The following TRIM5 variants were observed in gnomAD, a reference collection of about 807,000 sequenced individuals.
TRIM5 encodes tripartite motif containing 5, also known as tripartite motif-containing protein 5.
TRIM5 carries 31 observed loss-of-function variants against 35.6 expected under a neutral mutation model. The observed-to-expected ratio is 0.87, with a 90% CI of 0.65 to 1.18. The LOEUF (loss-of-function observed/expected upper bound fraction) is 1.18. Among genes scored for constraint, TRIM5 ranks in the 50% most tolerant of loss-of-function variants. The pLI is 0.00. For missense variants in TRIM5, 609 were observed against 591.6 expected (o/e 1.03, Z -0.31); for synonymous variants, 243 against 215.6 (o/e 1.13, Z -1.11).
chr11:5,613,026 T>C, the TRIM5 span: 2 of 152,226 alleles, frequency 1.3e-5, no homozygotes, highest in African/African-American at 4.8e-5. Context: ...ATTGTATTTC[T>C]ATTGGACAAC....
chr11:5,633,535 A>C, the TRIM5 span, among the ~76,000 whole-genome samples: 1 of 152,236 alleles, frequency 6.6e-6, no homozygotes, highest in East Asian at 1.9e-4. Context: ...CATTGATAAG[A>C]GGAAAGGACT....
At chr11:5,683,757 A>G (rs1355456597) in intron 1 of TRIM5, among the ~76,000 whole-genome samples, 2 of 152,190 alleles carry the variant, frequency 1.3e-5, no homozygotes, top group African/African-American at 2.4e-5. Flanking sequence ...AAATGCACCA[A>G]TCAGTGCCCT....
At chr11:5,617,523 T>TA in the TRIM5 span, among the ~76,000 whole-genome samples, 1 of 139,224 alleles carries the variant, frequency 7.2e-6, no homozygotes, top group African/African-American at 2.6e-5. Flanking sequence ...AGTTTTGCTC[T>TA]TGTTGCCCAG....
chr11:5,683,215 G>A (rs1468177704), intron 1 of TRIM5, among the ~76,000 whole-genome samples: 2 of 152,328 alleles, frequency 1.3e-5, no homozygotes. Context: ...TGCTGCGCGA[G>A]CGTCCCTGAC....
chr11:5,678,488 T>TA (rs1852169625), intron 3 of TRIM5, 54 bp from the exon 4 acceptor site: 1 of 1,419,490 alleles, frequency 7.0e-7, no homozygotes, highest in South Asian at 1.5e-5. Context: ...CAGAGGCTGT[T>TA]AGCCAGAAAA....
At chr11:5,634,592 G>T in the TRIM5 span, 1 of 1,576,816 alleles carries the variant, frequency 6.3e-7, no homozygotes, top group South Asian at 1.2e-5. Context: ...GCCTTAGCCT[G>T]ACAAACTTAC....
chr11:5,662,869 C>T (rs1039891926), downstream of TRIM5, among the ~76,000 whole-genome samples: 1 of 152,188 alleles, frequency 6.6e-6, no homozygotes. Context: ...GTGGCTCACA[C>T]CTATAATCCT....
chr11:5,642,358 G>C, the TRIM5 span: 2 of 1,542,686 alleles, frequency 1.3e-6, no homozygotes, highest in East Asian at 2.2e-5. Flanking sequence ...GGGAGGGATG[G>C]ACACAGGATG....
the TRIM5 span, among the ~76,000 whole-genome samples, chr11:5,655,239 T>G: frequency 6.6e-6 from 1 of 151,266 alleles, no homozygotes; most frequent in African/African-American, 2.4e-5. Context: ...TTTAGGAAAC[T>G]TACCATTGGT....
chr11:5,657,688 TTATAATATA>T, the TRIM5 span, among the ~76,000 whole-genome samples: 1 of 123,616 alleles, frequency 8.1e-6, no homozygotes, highest in African/African-American at 3.1e-5. Context: ...ATATATATAT[TTATAATATA>T]ATATATATAA....
the TRIM5 span, among the ~76,000 whole-genome samples, chr11:5,592,300 C>T: frequency 4.6e-5 from 7 of 152,148 alleles, no homozygotes; most frequent in South Asian, 8.3e-4. Flanking sequence ...CACTCACTGA[C>T]GAGCTATTGT....
At chr11:5,643,876 TATTC>T in the TRIM5 span, 2 of 876,352 alleles carry the variant, frequency 2.3e-6, no homozygotes, top group Non-Finnish European at 3.4e-6. Context: ...GATGCTTATT[TATTC>T]ATTTACTCTT....
rs567886320 is a variant in TRIM5, at chr11:5,665,785, G to C, written c.869-103C>G. 7.1e-5 allele frequency: 103 copies of C among 1,452,122 alleles called. No homozygotes were observed. The East Asian group carries it at 2.4e-3, about 34-fold the overall frequency. 90.0% of individuals were successfully genotyped at this position (1,452,122 alleles called of 1,614,324 possible). A position where few individuals can be genotyped will look rare whatever the true frequency, so the allele number is the denominator to read the frequency against. On this transcript the variant is annotated intron_variant, in intron 6 of 7. Coordinates refer to ENST00000380034, the MANE Select transcript of TRIM5 (RefSeq NM_033034.3). ...GAAAGAGTAGGTATGCCCTATGGTA[G>C]GGCAGTAAATTGCTGAATGATGAGA...
chr11:5,628,386 C>T, the TRIM5 span, among the ~76,000 whole-genome samples: 1 of 152,244 alleles, frequency 6.6e-6, no homozygotes, highest in Non-Finnish European at 1.5e-5. Flanking sequence ...AACTCCTTGT[C>T]TTACTAGTCA....
At chr11:5,632,823 T>A in the TRIM5 span, 4 of 121,382 alleles carry the variant, frequency 3.3e-5, no homozygotes, top group Non-Finnish European at 5.5e-5. Flanking sequence ...CTTTTCATCC[T>A]TTTTTTTTTT....
the TRIM5 span, chr11:5,633,974 T>A: frequency 6.6e-7 from 1 of 1,514,212 alleles, no homozygotes; most frequent in Non-Finnish European, 9.0e-7. Context: ...CTCGTCCTTT[T>A]TATTCCTTGA....
chr11:5,631,893 G>C, the TRIM5 span, among the ~76,000 whole-genome samples: 2 of 152,156 alleles, frequency 1.3e-5, no homozygotes, highest in African/African-American at 4.8e-5. Context: ...TTTAAAAATA[G>C]ATAATGATAA....
At chr11:5,642,561 T>C in the TRIM5 span, 7 of 1,592,270 alleles carry the variant, frequency 4.4e-6, no homozygotes, top group Non-Finnish European at 6.0e-6. Context: ...TGTCAGGTAA[T>C]AAACTGTCTA....
At chr11:5,628,795 C>T in the TRIM5 span, among the ~76,000 whole-genome samples, 4 of 141,160 alleles carry the variant, frequency 2.8e-5, no homozygotes, top group Non-Finnish European at 4.7e-5. Flanking sequence ...ACCAAGATGG[C>T]GGCAAAGTTG....
Sources: gnomAD v4.1 joint callset for allele counts (sites outside exome capture counted in the v4.1 genomes callset) on GRCh38, gnomAD v4.1.1 for gene constraint, MANE v1.5 for transcripts, NCBI Gene and HGNC (gene_info 2026-07-23, HGNC 2026-07-21) for gene names.